The following CAMK2A variants were observed in gnomAD, a reference collection of about 807,000 sequenced individuals.
CAMK2A encodes the protein calcium/calmodulin dependent protein kinase II alpha.
CAMK2A carries 7 observed loss-of-function variants against 79.2 expected under a neutral mutation model. The observed-to-expected ratio is 0.09, with a 90% CI of 0.05 to 0.17. The LOEUF is 0.17. CAMK2A is among the 10% of genes least tolerant of loss of function. CAMK2A has a pLI of 1.00. For missense variants in CAMK2A, 214 were observed against 646.4 expected (o/e 0.33, Z 7.25); for synonymous variants, 242 against 251.7 (o/e 0.96, Z 0.36).
At chr5:150,279,088 G>T (rs1377489393) in intron 1 of CAMK2A, among the ~76,000 whole-genome samples, 1 of 152,126 alleles carries the variant, frequency 6.6e-6, no homozygotes, top group African/African-American at 2.4e-5. Flanking sequence ...GAATGCAGTG[G>T]CTTTTCAGCT....
At chr5:150,287,086 A>G (rs1181648136) in intron 1 of CAMK2A, among the ~76,000 whole-genome samples, 1 of 152,156 alleles carries the variant, frequency 6.6e-6, no homozygotes, top group Non-Finnish European at 1.5e-5. Flanking sequence ...CCCTCCCTGC[A>G]CCACTGGATG....
At chr5:150,238,209 G>A (rs1742822128) in intron 15 of CAMK2A, 2 of 162,576 alleles carry the variant, frequency 1.2e-5, no homozygotes, top group African/African-American at 4.8e-5. Flanking sequence ...CCAGCACTTT[G>A]GGAGGCCGAG....
intron 1 of CAMK2A, among the ~76,000 whole-genome samples, chr5:150,280,563 C>T (rs1757168672): frequency 6.6e-6 from 1 of 152,158 alleles, no homozygotes; most frequent in Admixed American, 6.5e-5. Context: ...TCCATGAACC[C>T]ACCACAATCT....
In CAMK2A at chr5:150,222,144, C is replaced by A; in HGVS notation, c.*566G>T. ...ACACCGAGGGAAGGGTCAGACCACC[C>A]TGAGGTCAGCACAGGAGGAAGAAGA... On this transcript the variant is annotated 3_prime_UTR_variant, in exon 19 of 19. Transcript: ENST00000671881. The A allele has an allele frequency of 3.5e-6, 1 of 282,912 alleles. No individual in the cohort carries two copies. Among genetic ancestry groups the A allele is most frequent in the Non-Finnish European group, 6.8e-6 (1 of 146,030 alleles). The allele number at this position is 282,912 out of a possible 1,614,324, so 17.5% of individuals were successfully genotyped here.
rs758236277 is a variant in CAMK2A, at chr5:150,265,601, C to A, written c.158-586G>T. On this transcript the variant is annotated intron_variant, in intron 2 of 18. Transcript: ENST00000671881. ...GGGCAGGGACTTCGTCTCTGTTGTACCCCTGACATCTACCCAAACACCTGG... is the reference window on the plus strand; with the variant it reads ...GGGCAGGGACTTCGTCTCTGTTGTAACCCTGACATCTACCCAAACACCTGG... 2.6e-5 allele frequency among the ~76,000 whole-genome samples: 4 copies of A among 152,056 alleles called. No individual in the cohort carries two copies. In the South Asian group the frequency reaches 6.2e-4, roughly 24 times the overall value.
chr5:150,256,902 G>T lies in CAMK2A; in HGVS notation c.273-71C>A. On this transcript the variant is annotated intron_variant, in intron 4 of 18. Transcript: ENST00000671881. This position sits in a 1 kb window ranked among gnomAD's most constrained non-coding sequence, Gnocchi z 4.6. ...GCTGCCTCATCTGGAGGAGTCTCCA[G>T]GAAACTAAGGATGGGGCCCAGGGAC... 1 of 1,361,200 alleles carries T rather than the reference G, an allele frequency of 7.3e-7. No individual in the cohort carries two copies. Among genetic ancestry groups the T allele is most frequent in the Non-Finnish European group, 1.0e-6 (1 of 977,448 alleles). 84.3% of individuals were successfully genotyped at this position (1,361,200 alleles called of 1,614,324 possible).
chr5:150,253,340 A>G (rs1755915628), intron 7 of CAMK2A, 104 bp downstream of exon 7: 2 of 901,918 alleles, frequency 2.2e-6, no homozygotes. Flanking sequence ...CTGGCCCAAC[A>G]GCATCTCCAG....
At chr5:150,246,689 A>T (rs1273356602) in intron 12 of CAMK2A, among the ~76,000 whole-genome samples, 1 of 152,180 alleles carries the variant, frequency 6.6e-6, no homozygotes, top group Non-Finnish European at 1.5e-5. Context: ...GAATGGCAGG[A>T]TCCTTGTCCA....
chr5:150,237,194 C>T (rs1192292995), intron 15 of CAMK2A, among the ~76,000 whole-genome samples: 2 of 152,182 alleles, frequency 1.3e-5, no homozygotes, highest in East Asian at 3.8e-4. Context: ...CGTCAGGAGG[C>T]AGCCTTGGTA....
chr5:150,273,479 T>C (rs1756833978), intron 1 of CAMK2A, among the ~76,000 whole-genome samples: 1 of 152,182 alleles, frequency 6.6e-6, no homozygotes, highest in Non-Finnish European at 1.5e-5. Context: ...TCTGAACATT[T>C]TTAGATTTTA....
At chr5:150,247,621 T>G (rs1297755219) in intron 12 of CAMK2A, 151 bp downstream of exon 12, 1 of 619,714 alleles carries the variant, frequency 1.6e-6, no homozygotes, top group East Asian at 2.8e-5. Flanking sequence ...GTACAGGCCG[T>G]GGCAGGTGAG....
chr5:150,240,211 A>G (rs1453464377), intron 13 of CAMK2A, among the ~76,000 whole-genome samples: 2 of 152,192 alleles, frequency 1.3e-5, no homozygotes, highest in East Asian at 3.9e-4. Flanking sequence ...TGACTGTCAC[A>G]GTCACTTGGG....
At chr5:150,249,541 A>G (rs538619578) in intron 11 of CAMK2A, among the ~76,000 whole-genome samples, 1 of 135,778 alleles carries the variant, frequency 7.4e-6, no homozygotes, top group African/African-American at 3.1e-5. Context: ...ACACGTTCCC[A>G]TTCTTTTTTT....
chr5:150,276,337 C>G (rs891568190), intron 1 of CAMK2A, among the ~76,000 whole-genome samples: 1 of 152,190 alleles, frequency 6.6e-6, no homozygotes, highest in Non-Finnish European at 1.5e-5. Flanking sequence ...CTCTCTGCCC[C>G]CAGTGCTTGA....
At chr5:150,229,661 G>A (rs1754757874) in intron 16 of CAMK2A, among the ~76,000 whole-genome samples, 1 of 152,212 alleles carries the variant, frequency 6.6e-6, no homozygotes, top group Admixed American at 6.5e-5. Context: ...CCACTGAGGA[G>A]CTTGGGGACC....
Position 150,246,383 on chromosome 5 carries a change from A to T in CAMK2A, c.944-1182T>A, listed in dbSNP as rs952201688. ...GCTTTCTCCTCGAGCCTCAAGGTAG[A>T]CGCCCCTCTCAGCTCCAGCCTACTG... On this transcript the variant is annotated intron_variant, in intron 12 of 18. Transcript: ENST00000671881. Among the ~76,000 whole-genome samples the T allele has an allele frequency of 8.5e-5, 13 of 152,072 alleles. 1 individual carries two copies. The highest frequency in any genetic ancestry group is 2.9e-4 in the African/African-American group (12 of 41,398).
chr5:150,270,560 A>G (rs1304892327), intron 2 of CAMK2A, among the ~76,000 whole-genome samples: 1 of 152,106 alleles, frequency 6.6e-6, no homozygotes. Flanking sequence ...AGATGCTTAG[A>G]GTGTGTTGCC....
At chr5:150,255,032 G>T (rs191381620) in intron 6 of CAMK2A, among the ~76,000 whole-genome samples, 1 of 152,006 alleles carries the variant, frequency 6.6e-6, no homozygotes, top group Non-Finnish European at 1.5e-5. Context: ...AGCTCCCTCC[G>T]CCTGGCTCAA....
intron 17 of CAMK2A, among the ~76,000 whole-genome samples, chr5:150,225,388 G>A (rs556677244): frequency 1.9e-3 from 286 of 152,282 alleles, no homozygotes; most frequent in African/African-American, 6.7e-3. Context: ...GAACTTGGCC[G>A]GGAATGAGCA....
Sources: allele counts gnomAD v4.1 joint callset (sites outside exome capture counted in the v4.1 genomes callset), GRCh38; gene constraint gnomAD v4.1.1; non-coding constraint Gnocchi (gnomAD v3.1); transcripts MANE v1.5; gene names NCBI Gene and HGNC (gene_info 2026-07-23, HGNC 2026-07-21).